Variants in DDX20 observed in about 807,000 individuals in gnomAD.
DDX20 encodes probable ATP-dependent RNA helicase DDX20.
DDX20 carries 61 observed loss-of-function variants against 76.4 expected under a neutral mutation model. That is an observed-to-expected ratio of 0.80 (90% CI 0.65 to 0.99). DDX20 has a LOEUF of 0.99. Among genes scored for constraint, DDX20 ranks in the 50% least tolerant of loss-of-function variants. DDX20 has a pLI of 0.00. For synonymous variants in DDX20, 357 were observed against 357.4 expected (o/e 1.00, Z 0.01); for missense variants, 976 against 996.8 (o/e 0.98, Z 0.28).
chr1:111,760,984 T>C lies in DDX20; in HGVS notation c.824-3T>C, dbSNP rs938028619. 3.7e-6 allele frequency: 6 copies of C among 1,610,780 alleles called. No individual in the cohort carries two copies. The stretch of plus-strand genomic sequence containing the variant: ...TGTTTTAACTGATAGCTCTTCTTTG[T>C]AGGTTTGAAGCAGTATTACAAAGTT... On this transcript the variant is annotated splice_region_variant and splice_polypyrimidine_tract_variant and intron_variant, in intron 5 of 10. Coordinates refer to ENST00000369702, the MANE Select transcript of DDX20 (RefSeq NM_007204.5).
At chr1:111,763,772 A>C (rs764961881) in intron 10 of DDX20, among the ~76,000 whole-genome samples, 2 of 152,136 alleles carry the variant, frequency 1.3e-5, no homozygotes, top group Non-Finnish European at 2.9e-5. Context: ...ATTTTGAAAA[A>C]TTGGAGTGAA....
chr1:111,759,503 G>C lies in DDX20; in HGVS notation c.500G>C (p.Gly167Ala). Residue 167 changes from glycine (G) to alanine (A), a missense_variant, in exon 3 of 11, where the codon GGA becomes GCA. Gly to Ala is a moderately conservative substitution (Grantham distance 60). This residue lies in a region of DDX20 where 343 missense variants were observed against 286.4 expected (regional missense o/e 1.20). Transcript: ENST00000369702. ...GGCTTAGAGTGTCATGTCTTTATTG[G>C]AGGGACCCCATTATCACAAGACAAA... ...MEGLECHVFIGGTPLSQDKTR... is the reference protein window; with the variant it reads ...MEGLECHVFIAGTPLSQDKTR... 1.2e-6 allele frequency: 2 copies of C among 1,613,950 alleles called. No individual in the cohort carries two copies. The highest frequency in any genetic ancestry group is 1.1e-5 in the South Asian group (1 of 91,066).
chr1:111,762,586 C>A, intron 8 of DDX20, 91 bp from the exon 9 acceptor site: 1 of 1,154,088 alleles, frequency 8.7e-7, no homozygotes, highest in South Asian at 1.4e-5. Context: ...CTTAATTTGT[C>A]TCTTGACTGT....
intron 10 of DDX20, among the ~76,000 whole-genome samples, chr1:111,765,017 G>C (rs988921938): frequency 3.3e-5 from 5 of 152,208 alleles, no homozygotes; most frequent in Non-Finnish European, 5.9e-5. Context: ...GCAACAACAG[G>C]CAAGATCTTT....
rs1395759424 is a variant in DDX20, at chr1:111,762,311, T to C, written c.1078T>C (p.Cys360Arg). The part of the protein sequence containing the change: ...DAMAKLKHFH[C>R]RVLISTDLTS... Reference sequence around the variant, plus strand: ...TATGGCTAAACTGAAGCACTTTCATTGCAGAGTCCTCATTTCCACAGATTT... The same window carrying C: ...TATGGCTAAACTGAAGCACTTTCATCGCAGAGTCCTCATTTCCACAGATTT... The change falls in exon 8 of 11, where the codon TGC (cysteine) becomes CGC (arginine). Residue 360 changes from cysteine (C) to arginine (R), a missense_variant. This residue lies in a region of DDX20 where 630 missense variants were observed against 693.7 expected (regional missense o/e 0.91). Coordinates refer to ENST00000369702, the MANE Select transcript of DDX20 (RefSeq NM_007204.5). 1.9e-6 allele frequency: 3 copies of C among 1,613,436 alleles called. No individual in the cohort carries two copies. The highest frequency in any genetic ancestry group is 2.5e-6 in the Non-Finnish European group (3 of 1,179,808).
At position 111,762,797 on chromosome 1, in the gene DDX20, A is replaced by G. The variant is rs765131947; in HGVS notation, c.1210+15A>G. 1.2e-6 allele frequency: 2 copies of G among 1,601,914 alleles called. No homozygotes were observed. Among genetic ancestry groups the G allele is most frequent in the South Asian group, 2.2e-5 (2 of 90,468 alleles). On this transcript the variant is annotated intron_variant, in intron 9 of 10. Coordinates refer to ENST00000369702, the MANE Select transcript of DDX20 (RefSeq NM_007204.5). ...TGGCCGTTTTGGTAAAAAAAAAAAA[A>G]AAAGTTTGAGTGCTTTCTTTAAGGG...
chr1:111,762,333 AT>A lies in DDX20; in HGVS notation c.1103del (p.Leu368Ter). 6.2e-7 allele frequency: 1 copy of A among 1,612,568 alleles called. No homozygotes were observed. Among genetic ancestry groups the A allele is most frequent in the Non-Finnish European group, 8.5e-7 (1 of 1,179,260 alleles). ...HFHCRVLIST[D>X]LTSRGIDAEK... ...CATTGCAGAGTCCTCATTTCCACAG[AT>A]TTGGTAAATTTCCTATTCAGTTTGG... On this transcript the variant is annotated frameshift_variant, in exon 8 of 11. Transcript: ENST00000369702. LOFTEE classifies it high-confidence loss of function.
chr1:111,757,879 C>T (rs915424182), intron 2 of DDX20, among the ~76,000 whole-genome samples: 16 of 132,568 alleles, frequency 1.2e-4, no homozygotes, highest in African/African-American at 3.2e-4. Context: ...TTTTTGAGAC[C>T]GAGTCTCACT....
chr1:111,758,615 A>T (rs929902908), intron 2 of DDX20, among the ~76,000 whole-genome samples: 1 of 152,042 alleles, frequency 6.6e-6, no homozygotes, highest in East Asian at 1.9e-4. Flanking sequence ...CCTCTTGGTG[A>T]AAACGCTTCC....
chr1:111,764,250 C>T (rs946686767), intron 10 of DDX20, among the ~76,000 whole-genome samples: 2 of 151,742 alleles, frequency 1.3e-5, no homozygotes, highest in African/African-American at 2.4e-5. Flanking sequence ...CCATTGCACT[C>T]CAGCCTGGGC....
chr1:111,756,266 G>C, intron 1 of DDX20, 41 bp downstream of exon 1: 4 of 842,510 alleles, frequency 4.7e-6, no homozygotes, highest in Non-Finnish European at 5.0e-6. Flanking sequence ...GGTGGGGTGG[G>C]AGAAGGGGGA....
chr1:111,761,245 AT>A lies in DDX20; in HGVS notation c.983del (p.Ile328ThrfsTer16). ...TCATAGAGCACAACATTTGGCTGATATCCTTTCTTCTAAAGGCTTTCCTGCT... is the reference window on the plus strand; with the variant it reads ...TCATAGAGCACAACATTTGGCTGATACCTTTCTTCTAAAGGCTTTCCTGCT... ...LHSRAQHLAD[I>X]LSSKGFPAEC... On this transcript the variant is annotated frameshift_variant, in exon 7 of 11. Transcript: ENST00000369702. LOFTEE classifies it high-confidence loss of function. 2 of 1,613,424 alleles carry A rather than the reference AT, an allele frequency of 1.2e-6. No individual in the cohort carries two copies. Among genetic ancestry groups the A allele is most frequent in the Non-Finnish European group, 1.7e-6 (2 of 1,179,666 alleles).
rs555868404 is a variant in DDX20, at chr1:111,763,965, G to A, written c.1312+958G>A. ...ACAGAAAATGTGCACTATAAATAGTGTCTATTCATATATAGATGTATGTCT... is the reference window on the plus strand; with the variant it reads ...ACAGAAAATGTGCACTATAAATAGTATCTATTCATATATAGATGTATGTCT... On this transcript the variant is annotated intron_variant, in intron 10 of 10. Transcript: ENST00000369702. Among the ~76,000 whole-genome samples, 13 of 152,276 alleles carry A rather than the reference G, an allele frequency of 8.5e-5. No individual in the cohort carries two copies. In the South Asian group the frequency reaches 2.3e-3, roughly 27 times the overall value.
chr1:111,762,237 C>T lies in DDX20; in HGVS notation c.1022-18C>T. 6.2e-7 allele frequency: 1 copy of T among 1,601,634 alleles called. No individual in the cohort carries two copies. Among genetic ancestry groups the T allele is most frequent in the African/African-American group, 1.3e-5 (1 of 74,200 alleles). ...AGCTTAGTTGTTTTTATGTGACTTTCTTTTGGGGTCCTTTTAGGCAATATG... is the reference window on the plus strand; with the variant it reads ...AGCTTAGTTGTTTTTATGTGACTTTTTTTTGGGGTCCTTTTAGGCAATATG... On this transcript the variant is annotated intron_variant, in intron 7 of 10. Coordinates refer to ENST00000369702, the MANE Select transcript of DDX20 (RefSeq NM_007204.5).
chr1:111,766,650 T>G lies in DDX20; in HGVS notation c.2226T>G (p.Ser742=). ...KQSRRNLPRR[S]SFRLQTEAQE... ...GCCGGAGAAACCTACCCAGGCGGTC[T>G]TCCTTCAGATTGCAGACTGAAGCCC... is the stretch of plus-strand genomic sequence containing the variant. Residue 742 remains serine, a synonymous_variant, in exon 11 of 11, where the codon TCT becomes TCG. Coordinates refer to ENST00000369702, the MANE Select transcript of DDX20 (RefSeq NM_007204.5). 6.2e-7 allele frequency: 1 copy of G among 1,614,174 alleles called. No individual in the cohort carries two copies.
In DDX20 at chr1:111,759,418, A is replaced by C. The variant is rs1663625596; in HGVS notation, c.415A>C (p.Thr139Pro). 1 of 1,600,890 alleles carries C rather than the reference A, an allele frequency of 6.2e-7. No homozygotes were observed. The highest frequency in any genetic ancestry group is 2.2e-5 in the East Asian group (1 of 44,680). Reference sequence around the variant, plus strand: ...TTTTTAGATTTTGATCTTGGCTCCTACAAGAGAAATTGCTGTACAGATACA... The same window carrying C: ...TTTTTAGATTTTGATCTTGGCTCCTCCAAGAGAAATTGCTGTACAGATACA... ...LSTQILILAP[T>P]REIAVQIHSV... is the part of the protein sequence containing the mutation. The change falls in exon 3 of 11, where the codon ACA becomes CCA. Residue 139 changes from threonine (T) to proline (P), a missense_variant. Thr to Pro is a conservative substitution (Grantham distance 38). Transcript: ENST00000369702.
Position 111,761,127 on chromosome 1 carries a change from T to A in DDX20, c.962+2T>A. On this transcript the variant is annotated splice_donor_variant, in intron 6 of 10. Transcript: ENST00000369702. LOFTEE classifies it high-confidence loss of function. ...AGTCTTTTCTAATTTGCACAGCAGG[T>A]AATGTAACTTAAAAGGTCATCTGGG... The A allele has an allele frequency of 6.2e-7, 1 of 1,612,994 alleles. No homozygotes were observed. The highest frequency in any genetic ancestry group is 8.5e-7 in the Non-Finnish European group (1 of 1,179,512).
rs776968403 is a variant in DDX20, at chr1:111,761,106, T to C, written c.943T>C (p.Phe315Leu). 13 of 1,613,204 alleles carry C rather than the reference T, an allele frequency of 8.1e-6. No individual in the cohort carries two copies. Among genetic ancestry groups the C allele is most frequent in the Admixed American group, 1.7e-5 (1 of 59,888 alleles). The change falls in exon 6 of 11, where the codon TTT becomes CTT. Residue 315 changes from phenylalanine (F) to leucine (L), a missense_variant. Phe to Leu is a conservative substitution (Grantham distance 22). This residue lies in a region of DDX20 where 630 missense variants were observed against 693.7 expected (regional missense o/e 0.91). Coordinates refer to ENST00000369702, the MANE Select transcript of DDX20 (RefSeq NM_007204.5). ...AATTCCATTTAATCAAGCTTTAGTC[T>C]TTTCTAATTTGCACAGCAGGTAATG... ...SRIPFNQALV[F>L]SNLHSRAQHL...
rs1663544928 is a variant in DDX20 at position 111,756,138 on chromosome 1, C to T, written c.214C>T (p.Pro72Ser). Residue 72 changes from proline (P) to serine (S), a missense_variant, in exon 1 of 11, where the codon CCG becomes TCG. This residue lies in a region of DDX20 where 343 missense variants were observed against 286.4 expected (regional missense o/e 1.20). Coordinates refer to ENST00000369702, the MANE Select transcript of DDX20 (RefSeq NM_007204.5). ...CTTCGAGTCACTGCTGCTTTCGCGGCCGGTGCTGGAGGGGCTGCGGGCGGC... is the reference window on the plus strand; with the variant it reads ...CTTCGAGTCACTGCTGCTTTCGCGGTCGGTGCTGGAGGGGCTGCGGGCGGC... ...ADFESLLLSR[P>S]VLEGLRAAGF... 2 of 1,581,766 alleles carry T rather than the reference C, an allele frequency of 1.3e-6. No homozygotes were observed. The highest frequency in any genetic ancestry group is 1.7e-6 in the Non-Finnish European group (2 of 1,172,062).
Sources: gnomAD v4.1 joint callset for allele counts (sites outside exome capture counted in the v4.1 genomes callset) on GRCh38, gnomAD v4.1.1 for gene constraint, gnomAD v4.1.1 regional missense constraint, MANE v1.5 for transcripts, NCBI Gene and HGNC (gene_info 2026-07-23, HGNC 2026-07-21) for gene names.